POLR1B: variants seen among roughly 807,000 people sequenced by gnomAD.
The protein encoded by POLR1B is RNA polymerase I subunit B.
In POLR1B, 30 loss-of-function variants were observed where a neutral mutation model predicts 105.8. The ratio of observed to expected loss-of-function variants is 0.28; its 90% CI spans 0.21 to 0.38. The LOEUF (loss-of-function observed/expected upper bound fraction) is 0.38. Ranked by LOEUF, POLR1B falls within the 10% of genes least tolerant of loss-of-function variation. The pLI is 1.00. For synonymous variants in POLR1B, 485 were observed against 505.1 expected (o/e 0.96, Z 0.53); for missense variants, 976 against 1,435.8 (o/e 0.68, Z 5.17).
rs1684984100 is a variant in POLR1B at position 112,579,071 on chromosome 2, G to A, written c.*3342G>A. Among the ~76,000 whole-genome samples, 1 of 151,936 alleles carries A rather than the reference G, an allele frequency of 6.6e-6. No homozygotes were observed. The highest frequency in any genetic ancestry group is 1.5e-5 in the Non-Finnish European group (1 of 67,998). On this transcript the variant is annotated 3_prime_UTR_variant, in exon 15 of 15. Transcript: ENST00000263331. ...AAAAATACAAAAATTAGCTGGGTGTGATGGCACACGCCTGTAATCCCAGCT... is the reference window on the plus strand; with the variant it reads ...AAAAATACAAAAATTAGCTGGGTGTAATGGCACACGCCTGTAATCCCAGCT...
At chr2:112,569,665 T>G (rs1684488878) in intron 12 of POLR1B, among the ~76,000 whole-genome samples, 1 of 151,814 alleles carries the variant, frequency 6.6e-6, no homozygotes, top group Non-Finnish European at 1.5e-5. Context: ...GTTCAAGTGA[T>G]TCTCCTGCTT....
chr2:112,564,467 C>G lies in POLR1B; in HGVS notation c.1714C>G (p.Pro572Ala). ...TGGCTGGGTGGATAAGGATCTTGCTCCAGGCATCGCAGATTCTCTTCGTCA... is the reference window on the plus strand; with the variant it reads ...TGGCTGGGTGGATAAGGATCTTGCTGCAGGCATCGCAGATTCTCTTCGTCA... ...MVGWVDKDLAPGIADSLRHFK... is the reference protein window; with the variant it reads ...MVGWVDKDLAAGIADSLRHFK... Residue 572 changes from proline to alanine, a missense_variant, in exon 10 of 15, where the codon CCA becomes GCA. Physicochemically the swap from Pro to Ala is conservative, Grantham distance 27. This residue lies in a region of POLR1B where 184 missense variants were observed against 197.4 expected (regional missense o/e 0.93). Transcript: ENST00000263331. The G allele has an allele frequency of 6.2e-7, 1 of 1,614,230 alleles. No homozygotes were observed. The highest frequency in any genetic ancestry group is 1.3e-5 in the African/African-American group (1 of 75,058).
intron 1 of POLR1B, among the ~76,000 whole-genome samples, chr2:112,544,436 AT>A (rs1346429164): frequency 6.6e-6 from 1 of 152,240 alleles, no homozygotes; most frequent in Non-Finnish European, 1.5e-5. Context: ...TCCCAAAAAA[AT>A]AAATACATAA....
At chr2:112,564,609 G>T in intron 10 of POLR1B, 110 bp downstream of exon 10, 1 of 1,414,022 alleles carries the variant, frequency 7.1e-7, no homozygotes, top group Non-Finnish European at 9.8e-7. Flanking sequence ...AGTGGTCAGG[G>T]GGTCACAATG....
intron 6 of POLR1B, 107 bp downstream of exon 6, chr2:112,552,105 T>A (rs1683404794): frequency 2.3e-6 from 2 of 870,738 alleles, no homozygotes; most frequent in Admixed American, 5.0e-5. Context: ...TGAGAATGAA[T>A]CTTGGGGTAG....
In POLR1B at chr2:112,542,676, GCGCGGCGTCCGCCGGCGCCCTTGC is replaced by G. The variant is rs760028743; in HGVS notation, c.177+13_177+36del. The G allele has an allele frequency of 2.2e-5, 35 of 1,611,052 alleles. No homozygotes were observed. Among genetic ancestry groups the G allele is most frequent in the Non-Finnish European group, 3.4e-6 (4 of 1,178,520 alleles). ...GGTCTCGGCCTCGCGGTGCAGGTGA[GCGCGGCGTCCGCCGGCGCCCTTGC>G]CGCGGCGAGGCCAATCCCAGGGAGG... On this transcript the variant is annotated splice_donor_region_variant and intron_variant, in intron 1 of 14. Coordinates refer to ENST00000263331, the MANE Select transcript of POLR1B (RefSeq NM_019014.6).
Position 112,552,002 on chromosome 2 carries a change from T to C in POLR1B, c.986+4T>C. 1.9e-6 allele frequency: 3 copies of C among 1,611,666 alleles called. No homozygotes were observed. Among genetic ancestry groups the C allele is most frequent in the Non-Finnish European group, 1.7e-6 (2 of 1,177,794 alleles). On this transcript the variant is annotated splice_donor_region_variant and intron_variant, in intron 6 of 14. Transcript: ENST00000263331. ...AAGCTGCGGAGTTCCTGTTTAAGTA[T>C]GTGTGCTTTGTCTAAACTGTTTTTG...
intron 9 of POLR1B, among the ~76,000 whole-genome samples, chr2:112,564,016 G>A (rs1446042341): frequency 6.6e-6 from 1 of 152,104 alleles, no homozygotes; most frequent in Non-Finnish European, 1.5e-5. Flanking sequence ...TCTAATTCTA[G>A]TGGTCTTGCT....
Position 112,564,435 on chromosome 2 carries a change from T to C in POLR1B, c.1682T>C (p.Val561Ala). Residue 561 changes from valine to alanine, a missense_variant, in exon 10 of 15, where the codon GTC becomes GCC. Val to Ala is a moderately conservative substitution (Grantham distance 64). Around this residue, in one of 12 missense-constraint regions of POLR1B, gnomAD observed 184 missense variants for 197.4 expected, o/e 0.93. Coordinates refer to ENST00000263331, the MANE Select transcript of POLR1B (RefSeq NM_019014.6). Reference sequence around the variant, plus strand: ...TGCTACCCTGTCCTGCTGGACGGTGTCATGGTTGGCTGGGTGGATAAGGAT... The same window carrying C: ...TGCTACCCTGTCCTGCTGGACGGTGCCATGGTTGGCTGGGTGGATAAGGAT... ...SECYPVLLDG[V>A]MVGWVDKDLA... 6.2e-7 allele frequency: 1 copy of C among 1,614,252 alleles called. No individual in the cohort carries two copies. Among genetic ancestry groups the C allele is most frequent in the South Asian group, 1.1e-5 (1 of 91,088 alleles).
intron 3 of POLR1B, among the ~76,000 whole-genome samples, chr2:112,549,032 C>T (rs1259138707): frequency 6.6e-6 from 1 of 152,066 alleles, no homozygotes; most frequent in African/African-American, 2.4e-5. Flanking sequence ...AGAGAAGTAC[C>T]CTGTTTTTCT....
chr2:112,559,242 TC>T, intron 8 of POLR1B, 50 bp from the exon 9 acceptor site: 1 of 1,597,862 alleles, frequency 6.3e-7, no homozygotes, highest in Non-Finnish European at 8.5e-7. Context: ...CTCAACAATT[TC>T]CATTTTTCAA....
intron 12 of POLR1B, among the ~76,000 whole-genome samples, chr2:112,571,707 C>A (rs1178595196): frequency 6.6e-6 from 1 of 152,202 alleles, no homozygotes; most frequent in Non-Finnish European, 1.5e-5. Flanking sequence ...CAATTGTTGT[C>A]ATGCTCAGAA....
chr2:112,575,637 A>G lies in POLR1B; in HGVS notation c.3316A>G (p.Thr1106Ala), dbSNP rs1684827820. 6.2e-7 allele frequency: 1 copy of G among 1,614,106 alleles called. No individual in the cohort carries two copies. The highest frequency in any genetic ancestry group is 1.3e-5 in the African/African-American group (1 of 75,016). The change falls in exon 15 of 15, where the codon ACT (threonine) becomes GCT (alanine). Residue 1106 changes from threonine to alanine, a missense_variant. By Grantham distance (58) the Thr-to-Ala change is moderately conservative (BLOSUM62 0). Transcript: ENST00000263331. The surrounding 1 kb of genome is among the most constrained non-coding windows in gnomAD (Gnocchi z 5.3). Reference protein sequence around the residue: ...YNCTLCSRSDTIDTVSVPYVF... With the variant: ...YNCTLCSRSDAIDTVSVPYVF... The stretch of plus-strand genomic sequence containing the variant: ...CTGTACTCTGTGTAGTCGCAGTGAC[A>G]CTATCGATACTGTTTCTGTGCCTTA...
intron 9 of POLR1B, among the ~76,000 whole-genome samples, chr2:112,561,682 G>A (rs1683993400): frequency 6.6e-6 from 1 of 152,064 alleles, no homozygotes; most frequent in African/African-American, 2.4e-5. Flanking sequence ...TTGTTCACGT[G>A]GTAACATTGA....
At chr2:112,562,631 T>A (rs1031022547) in intron 9 of POLR1B, among the ~76,000 whole-genome samples, 3 of 152,166 alleles carry the variant, frequency 2.0e-5, no homozygotes, top group Non-Finnish European at 4.4e-5. Context: ...GTAATCTTTT[T>A]GCTGGTGGAA....
At chr2:112,557,436 C>T (rs2104536374) in intron 7 of POLR1B, among the ~76,000 whole-genome samples, 1 of 152,270 alleles carries the variant, frequency 6.6e-6, no homozygotes, top group South Asian at 2.1e-4. Context: ...TGAAGGAGGG[C>T]ATCACATTGA....
chr2:112,567,526 C>T lies in POLR1B; in HGVS notation c.1747-441C>T, dbSNP rs140975807. ...TCCCGATTAGCTGGGACTACAGGCA[C>T]GTACCACCACACTCAGGTAATTTTT... On this transcript the variant is annotated intron_variant, in intron 10 of 14. Coordinates refer to ENST00000263331, the MANE Select transcript of POLR1B (RefSeq NM_019014.6). 7.8e-3 allele frequency among the ~76,000 whole-genome samples: 1,179 copies of T among 151,844 alleles called. 16 individuals are homozygous for T. The highest frequency in any genetic ancestry group is 0.024 in the African/African-American group (1,014 of 41,410).
intron 1 of POLR1B, among the ~76,000 whole-genome samples, chr2:112,545,618 C>G (rs935032182): frequency 5.3e-5 from 8 of 150,574 alleles, no homozygotes; most frequent in African/African-American, 2.0e-4. Flanking sequence ...AGCAAATTGT[C>G]TAATCTCTCT....
chr2:112,558,710 C>A (rs539039387), intron 8 of POLR1B, among the ~76,000 whole-genome samples: 1 of 152,152 alleles, frequency 6.6e-6, no homozygotes, highest in African/African-American at 2.4e-5. Flanking sequence ...CCTTGACTTC[C>A]CAGGCTCAGG....
Sources: gnomAD v4.1 joint callset for allele counts (sites outside exome capture counted in the v4.1 genomes callset) on GRCh38, gnomAD v4.1.1 for gene constraint, gnomAD v4.1.1 regional missense constraint, Gnocchi (gnomAD v3.1) non-coding constraint, MANE v1.5 for transcripts, NCBI Gene and HGNC (gene_info 2026-07-23, HGNC 2026-07-21) for gene names.